Variants in GPC5 observed in about 807,000 individuals in gnomAD.
GPC5 encodes glypican 5, also known as glypican-5.
In GPC5, 47 loss-of-function variants were observed where a neutral mutation model predicts 53.9. The observed-to-expected ratio is 0.87, with a 90% CI of 0.69 to 1.11. The LOEUF is 1.11. GPC5 is among the 50% of genes most tolerant of loss of function. GPC5 has a pLI of 0.00. For missense variants in GPC5, 748 were observed against 713.1 expected (o/e 1.05, Z -0.56); for synonymous variants, 286 against 263.3 (o/e 1.09, Z -0.84).
In GPC5 at chr13:92,209,144, C is replaced by T. The variant is rs994269401; in HGVS notation, c.1561+64155C>T. On this transcript the variant is annotated intron_variant, in intron 7 of 7. Transcript: ENST00000377067. Reference sequence around the variant, plus strand: ...TATACATAATTTATATTACAACTTCCAATTAAACTTCATAAAAATGAGATG... The same window carrying T: ...TATACATAATTTATATTACAACTTCTAATTAAACTTCATAAAAATGAGATG... Among the ~76,000 whole-genome samples the T allele has an allele frequency of 3.3e-5, 5 of 152,242 alleles. No homozygotes were observed. The South Asian group carries it at 1.0e-3, about 32-fold the overall frequency.
intron 7 of GPC5, among the ~76,000 whole-genome samples, chr13:92,611,970 A>G (rs1285049781): frequency 3.3e-5 from 5 of 152,130 alleles, no homozygotes; most frequent in African/African-American, 1.2e-4. Flanking sequence ...ATTGCGTACC[A>G]GGGAGAATAT....
chr13:92,113,341 A>T (rs749551151), intron 6 of GPC5, among the ~76,000 whole-genome samples: 36 of 152,170 alleles, frequency 2.4e-4, no homozygotes, highest in Non-Finnish European at 4.4e-4. Flanking sequence ...AGGGAAAATA[A>T]GTGTCTACAT....
intron 7 of GPC5, among the ~76,000 whole-genome samples, chr13:92,814,439 T>A (rs1249249794): frequency 6.6e-6 from 1 of 151,850 alleles, no homozygotes; most frequent in Non-Finnish European, 1.5e-5. Context: ...GGCGGGTGGA[T>A]CACTTGAGGT....
chr13:92,517,865 G>A (rs536904867), intron 7 of GPC5, among the ~76,000 whole-genome samples: 69 of 152,240 alleles, frequency 4.5e-4, no homozygotes, highest in Admixed American at 3.5e-3. Flanking sequence ...GTCTTCAGAC[G>A]ATCCAACTTC....
intron 7 of GPC5, among the ~76,000 whole-genome samples, chr13:92,641,368 A>G (rs116649865): frequency 0.015 from 2,253 of 152,260 alleles, 59 homozygotes; most frequent in African/African-American, 0.05. Context: ...CATCCGGTAA[A>G]ATTACTAGCC....
At chr13:92,007,833 G>T (rs914390684) in intron 6 of GPC5, among the ~76,000 whole-genome samples, 2 of 151,604 alleles carry the variant, frequency 1.3e-5, no homozygotes, top group Admixed American at 6.6e-5. Flanking sequence ...AAATATGGTC[G>T]CTCAAGATGA....
chr13:92,580,597 T>C (rs529481319), intron 7 of GPC5, among the ~76,000 whole-genome samples: 2 of 152,282 alleles, frequency 1.3e-5, no homozygotes, highest in African/African-American at 4.8e-5. Flanking sequence ...CACCAGCATC[T>C]ACTTGGCTTT....
chr13:91,507,336 A>C (rs1884996926), intron 2 of GPC5, among the ~76,000 whole-genome samples: 1 of 152,188 alleles, frequency 6.6e-6, no homozygotes, highest in Admixed American at 6.5e-5. Context: ...ACTGCTGATA[A>C]AGACATACCC....
intron 5 of GPC5, among the ~76,000 whole-genome samples, chr13:91,878,926 G>A (rs1412035480): frequency 1.3e-5 from 2 of 151,984 alleles, no homozygotes; most frequent in African/African-American, 4.8e-5. Flanking sequence ...GGCTGAAATA[G>A]GACTCAGATC....
chr13:91,495,443 G>GTGGCTTACAAACCTA (rs1884197649), intron 2 of GPC5, among the ~76,000 whole-genome samples: 1 of 152,142 alleles, frequency 6.6e-6, no homozygotes, highest in South Asian at 2.1e-4. Flanking sequence ...GAGTCCTGCT[G>GTGGCTTACAAACCTA]TGGCTTACAA....
intron 7 of GPC5, among the ~76,000 whole-genome samples, chr13:92,385,401 CAT>C (rs1156419744): frequency 3.0e-5 from 2 of 67,440 alleles, no homozygotes; most frequent in African/African-American, 1.2e-4. Context: ...CATATATACA[CAT>C]ATATACACAT....
chr13:92,758,842 T>C (rs72641087), intron 7 of GPC5, among the ~76,000 whole-genome samples: 9,916 of 152,100 alleles, frequency 0.065, 814 homozygotes, highest in East Asian at 0.37. Flanking sequence ...TATTTTCATC[T>C]AGGAGTTTTA....
At chr13:92,597,362 A>T (rs1883916842) in intron 7 of GPC5, among the ~76,000 whole-genome samples, 2 of 152,248 alleles carry the variant, frequency 1.3e-5, no homozygotes, top group African/African-American at 2.4e-5. Context: ...TGTTCTGAAG[A>T]CATTCAGGAG....
At chr13:92,861,131 T>A (rs1329273545) in intron 7 of GPC5, among the ~76,000 whole-genome samples, 2 of 152,120 alleles carry the variant, frequency 1.3e-5, no homozygotes, top group African/African-American at 4.8e-5. Context: ...TAATAAATAT[T>A]TACTCCTTAA....
intron 7 of GPC5, among the ~76,000 whole-genome samples, chr13:92,532,373 T>G (rs1231013486): frequency 6.6e-6 from 1 of 152,186 alleles, no homozygotes; most frequent in African/African-American, 2.4e-5. Context: ...TGAACTTACT[T>G]TCTAGGAGGA....
At chr13:92,559,330 ATG>A (rs5805755) in intron 7 of GPC5, among the ~76,000 whole-genome samples, 74,078 of 142,846 alleles carry the variant, frequency 0.52, 20,541 homozygotes, top group South Asian at 0.65. Flanking sequence ...TAGTGTGTAT[ATG>A]TGTGTGTGTG....
chr13:92,437,483 C>A (rs1298504281), intron 7 of GPC5, among the ~76,000 whole-genome samples: 1 of 151,878 alleles, frequency 6.6e-6, no homozygotes, highest in African/African-American at 2.4e-5. Flanking sequence ...ACACATTATA[C>A]CTTAAGAAGA....
chr13:91,888,178 T>C (rs979296051), intron 5 of GPC5, among the ~76,000 whole-genome samples: 1 of 152,290 alleles, frequency 6.6e-6, no homozygotes, highest in South Asian at 2.1e-4. Context: ...TCTCATATGG[T>C]GGCAGGCAAG....
chr13:91,801,361 G>A (rs976268668), intron 5 of GPC5, among the ~76,000 whole-genome samples: 3 of 151,532 alleles, frequency 2.0e-5, no homozygotes, highest in South Asian at 4.2e-4. Flanking sequence ...CATCTGACAT[G>A]ATGAACACAT....
Sources: gnomAD v4.1 joint callset for allele counts (sites outside exome capture counted in the v4.1 genomes callset) on GRCh38, gnomAD v4.1.1 for gene constraint, MANE v1.5 for transcripts, NCBI Gene and HGNC (gene_info 2026-07-23, HGNC 2026-07-21) for gene names.